GHR: variants seen among roughly 807,000 people sequenced by gnomAD.
GHR encodes GH receptor.
In GHR, 35 loss-of-function variants were observed where a neutral mutation model predicts 67.1. The observed-to-expected ratio is 0.52, with a 90% CI of 0.40 to 0.69. The LOEUF (loss-of-function observed/expected upper bound fraction) is 0.69. Ranked by LOEUF, GHR falls within the 30% of genes least tolerant of loss-of-function variation. GHR has a pLI of 0.00. For missense variants in GHR, 792 were observed against 764.6 expected, an observed-to-expected ratio of 1.04 and a Z score of -0.42; for synonymous variants, 272 against 269.1, an observed-to-expected ratio of 1.01 and a Z score of -0.10.
intron 3 of GHR, among the ~76,000 whole-genome samples, chr5:42,655,628 A>G (rs1403870644): frequency 6.6e-6 from 1 of 152,236 alleles, no homozygotes; most frequent in South Asian, 2.1e-4. Flanking sequence ...TAAGTTATAT[A>G]TATGTACAAG....
intron 1 of GHR, chr5:42,425,066 T>A (rs948143840): frequency 1.0e-6 from 1 of 954,064 alleles, no homozygotes; most frequent in East Asian, 1.2e-4. Context: ...TGTTGGGAAG[T>A]CAGAGTAGTT....
chr5:42,635,936 C>T (rs551939679), intron 3 of GHR, among the ~76,000 whole-genome samples: 24 of 152,096 alleles, frequency 1.6e-4, no homozygotes, highest in African/African-American at 5.3e-4. Context: ...TTAGGCCAGA[C>T]GCGGTGGCTC....
intron 1 of GHR, chr5:42,468,180 T>C: frequency 1.4e-6 from 2 of 1,396,056 alleles, no homozygotes; most frequent in Admixed American, 1.7e-5. Context: ...GAAACTCCCC[T>C]GGGGCCCAGA....
intron 6 of GHR, among the ~76,000 whole-genome samples, chr5:42,702,849 C>T (rs1158565991): frequency 1.3e-5 from 2 of 151,952 alleles, no homozygotes; most frequent in Non-Finnish European, 2.9e-5. Context: ...ACCTGTTGGC[C>T]ATTTCTATAT....
chr5:42,702,796 T>A (rs1437395300), intron 6 of GHR, among the ~76,000 whole-genome samples: 1 of 152,128 alleles, frequency 6.6e-6, no homozygotes, highest in African/African-American at 2.4e-5. Flanking sequence ...TGGTTTAAAT[T>A]TACATTTCCC....
chr5:42,671,125 C>T (rs1176310931), intron 3 of GHR, among the ~76,000 whole-genome samples: 1 of 152,016 alleles, frequency 6.6e-6, no homozygotes, highest in African/African-American at 2.4e-5. Context: ...TTAAAAAATA[C>T]CCAAGACTGA....
intron 1 of GHR, among the ~76,000 whole-genome samples, chr5:42,429,869 C>G (rs1348856295): frequency 1.3e-5 from 2 of 152,124 alleles, no homozygotes; most frequent in South Asian, 2.1e-4. Flanking sequence ...GAACATGAGT[C>G]AGTACTAGCA....
intron 1 of GHR, among the ~76,000 whole-genome samples, chr5:42,533,707 A>G (rs2112348754): frequency 6.6e-6 from 1 of 151,644 alleles, no homozygotes; most frequent in South Asian, 2.1e-4. Flanking sequence ...TTATTTTTCC[A>G]TAAGTTATTG....
chr5:42,514,520 A>AAT (rs1171992267), intron 1 of GHR, among the ~76,000 whole-genome samples: 3 of 152,162 alleles, frequency 2.0e-5, no homozygotes, highest in Non-Finnish European at 4.4e-5. Context: ...CCCTATAACC[A>AAT]ATATAAATGG....
intron 1 of GHR, among the ~76,000 whole-genome samples, chr5:42,456,853 C>T (rs571387191): frequency 6.6e-6 from 1 of 152,270 alleles, no homozygotes; most frequent in African/African-American, 2.4e-5. Flanking sequence ...GGAAGAGAAA[C>T]TCCATCTCAT....
intron 2 of GHR, among the ~76,000 whole-genome samples, chr5:42,601,348 T>C (rs2112634428): frequency 6.6e-6 from 1 of 152,304 alleles, no homozygotes; most frequent in East Asian, 1.9e-4. Context: ...AATAATCAGA[T>C]GTCTTAAATT....
chr5:42,661,329 A>T (rs1361627338), intron 3 of GHR, among the ~76,000 whole-genome samples: 1 of 152,218 alleles, frequency 6.6e-6, no homozygotes, highest in Non-Finnish European at 1.5e-5. Flanking sequence ...GAAACGAAGG[A>T]AAAAATGTTC....
At chr5:42,562,093 C>T (rs1432332871) in intron 1 of GHR, among the ~76,000 whole-genome samples, 2 of 152,136 alleles carry the variant, frequency 1.3e-5, no homozygotes, top group East Asian at 3.8e-4. Flanking sequence ...AAGTTCCAAA[C>T]TTCATGTGTC....
Position 42,667,454 on chromosome 5 carries a change from A to G in GHR, c.137-21436A>G, listed in dbSNP as rs760200803. Among the ~76,000 whole-genome samples the G allele has an allele frequency of 2.2e-4, 34 of 152,218 alleles. 1 individual carries two copies. Among genetic ancestry groups the G allele is most frequent in the Admixed American group, 3.9e-4 (6 of 15,282 alleles). On this transcript the variant is annotated intron_variant, in intron 3 of 9. Transcript: ENST00000230882. Reference sequence around the variant, plus strand: ...ATTCATTGTACTAATATAACATAGAAGCTCATTGTTCTAATAAGTGGTCCC... The same window carrying G: ...ATTCATTGTACTAATATAACATAGAGGCTCATTGTTCTAATAAGTGGTCCC...
chr5:42,621,745 G>C (rs1383636161), intron 2 of GHR, among the ~76,000 whole-genome samples: 2 of 152,114 alleles, frequency 1.3e-5, no homozygotes, highest in Non-Finnish European at 2.9e-5. Flanking sequence ...AAAAGTGTTT[G>C]AAACCACCAG....
intron 3 of GHR, among the ~76,000 whole-genome samples, chr5:42,659,798 G>A (rs1019087967): frequency 6.6e-6 from 1 of 152,074 alleles, no homozygotes; most frequent in Admixed American, 6.5e-5. Flanking sequence ...GCCGAAGCAG[G>A]GTGAGGCATT....
intron 1 of GHR, among the ~76,000 whole-genome samples, chr5:42,523,237 C>G (rs916048394): frequency 6.6e-6 from 1 of 152,124 alleles, no homozygotes; most frequent in South Asian, 2.1e-4. Flanking sequence ...AAGGATGTTG[C>G]TGATAGTAGT....
At chr5:42,700,767 C>T (rs34494490) in intron 6 of GHR, among the ~76,000 whole-genome samples, 2,718 of 152,152 alleles carry the variant, frequency 0.018, 30 homozygotes, top group Non-Finnish European at 0.029. Flanking sequence ...CAGATCACTC[C>T]CAGAATTTTG....
intron 1 of GHR, among the ~76,000 whole-genome samples, chr5:42,484,932 A>G (rs1466437670): frequency 6.6e-6 from 1 of 152,234 alleles, no homozygotes; most frequent in African/African-American, 2.4e-5. Context: ...GAAAAATGAA[A>G]GGGATGAACA....
Sources: allele counts gnomAD v4.1 joint callset (sites outside exome capture counted in the v4.1 genomes callset), GRCh38; gene constraint gnomAD v4.1.1; transcripts MANE v1.5; gene names NCBI Gene and HGNC (gene_info 2026-07-23, HGNC 2026-07-21).